Variants in KLHL14 observed in about 807,000 individuals in gnomAD.
KLHL14 encodes the protein kelch like family member 14.
A neutral mutation model predicts 64.3 loss-of-function variants in KLHL14; 22 were observed. The ratio of observed to expected loss-of-function variants is 0.34; its 90% confidence interval spans 0.24 to 0.49. The LOEUF is 0.49. KLHL14 is among the 20% of genes least tolerant of loss of function. KLHL14 has a pLI of 0.99. For synonymous variants in KLHL14, 322 were observed against 333.4 expected (o/e 0.97, Z 0.37); for missense variants, 661 against 789.0 (o/e 0.84, Z 1.94).
chr18:32,717,486 G>A (rs1245125963), intron 3 of KLHL14, among the ~76,000 whole-genome samples: 1 of 152,188 alleles, frequency 6.6e-6, no homozygotes, highest in African/African-American at 2.4e-5. Flanking sequence ...TGGTACTCAT[G>A]CATTTCTTCA....
At chr18:32,730,907 CTGT>C (rs2050134022) in intron 3 of KLHL14, among the ~76,000 whole-genome samples, 1 of 152,184 alleles carries the variant, frequency 6.6e-6, no homozygotes, top group Admixed American at 6.5e-5. Context: ...TTAGAACACG[CTGT>C]GAGAAGCGGT....
At chr18:32,677,066 A>G (rs2049814830) in intron 8 of KLHL14, 107 bp downstream of exon 8, 8 of 1,205,616 alleles carry the variant, frequency 6.6e-6, no homozygotes, top group Non-Finnish European at 8.2e-6. Context: ...GCATGTAAGT[A>G]TGATACTCTT....
At position 32,770,489 on chromosome 18, in the gene KLHL14, C is replaced by A. The variant is rs778789407; in HGVS notation, c.103G>T (p.Val35Leu). 1 of 1,612,324 alleles carries A rather than the reference C, an allele frequency of 6.2e-7. No individual in the cohort carries two copies. Among genetic ancestry groups the A allele is most frequent in the South Asian group, 1.1e-5 (1 of 91,034 alleles). The change falls in exon 2 of 9, where the codon GTG (valine) becomes TTG (leucine). Residue 35 changes from valine (V) to leucine (L), a missense_variant. Coordinates refer to ENST00000359358, the MANE Select transcript of KLHL14 (RefSeq NM_020805.3). The surrounding 1 kb of genome is among the most constrained non-coding windows in gnomAD (Gnocchi z 6.7). ...LLWRKQLFCD[V>L]TLTAQGQQFH... Reference sequence around the variant, plus strand: ...TGCTGGCCCTGGGCCGTCAGGGTCACGTCGCAAAACAGCTGCTTCCTCCAC... The same window carrying A: ...TGCTGGCCCTGGGCCGTCAGGGTCAAGTCGCAAAACAGCTGCTTCCTCCAC...
chr18:32,734,243 T>A, intron 3 of KLHL14: 1 of 702,838 alleles, frequency 1.4e-6, no homozygotes, highest in Non-Finnish European at 2.6e-6. Context: ...TGTGGTCCTG[T>A]GACTGAGAAG....
intron 3 of KLHL14, among the ~76,000 whole-genome samples, chr18:32,708,423 C>T (rs2050001683): frequency 6.6e-6 from 1 of 152,018 alleles, no homozygotes; most frequent in Non-Finnish European, 1.5e-5. Flanking sequence ...AGATTTGTGT[C>T]AAAAAAATCT....
chr18:32,687,017 C>T (rs922634952), intron 5 of KLHL14, 138 bp downstream of exon 5: 1 of 668,516 alleles, frequency 1.5e-6, no homozygotes, highest in Non-Finnish European at 2.7e-6. Flanking sequence ...TGTAAACTGG[C>T]TAGGCCAAGT....
At position 32,754,174 on chromosome 18, in the gene KLHL14, G is replaced by A. The variant is rs139207332; in HGVS notation, c.948-12125C>T. ...TTCAAGCTCTGTATAGCCTAGTGAC[G>A]AAAGGAGATAAAGCATCACTCTCAG... On this transcript the variant is annotated intron_variant, in intron 2 of 8. Coordinates refer to ENST00000359358, the MANE Select transcript of KLHL14 (RefSeq NM_020805.3). Among the ~76,000 whole-genome samples, 907 of 152,266 alleles carry A rather than the reference G, an allele frequency of 6.0e-3. 5 individuals carry two copies. Among genetic ancestry groups the A allele is most frequent in the African/African-American group, 0.02 (826 of 41,552 alleles).
At chr18:32,740,020 T>TAAG (rs2050188204) in intron 3 of KLHL14, among the ~76,000 whole-genome samples, 1 of 152,218 alleles carries the variant, frequency 6.6e-6, no homozygotes, top group African/African-American at 2.4e-5. Flanking sequence ...CTACAGTGAC[T>TAAG]TTCACAAAAT....
chr18:32,714,923 T>A (rs1886229483), intron 3 of KLHL14, among the ~76,000 whole-genome samples: 1 of 151,524 alleles, frequency 6.6e-6, no homozygotes, highest in South Asian at 2.1e-4. Context: ...TTACACTGAG[T>A]TGGAGAATGT....
intron 3 of KLHL14, among the ~76,000 whole-genome samples, chr18:32,725,983 G>T (rs6506983): frequency 6.6e-6 from 1 of 152,070 alleles, no homozygotes; most frequent in Non-Finnish European, 1.5e-5. Flanking sequence ...ACATGTAAGT[G>T]GCTCAGTCAG....
chr18:32,699,857 T>G (rs569618015), intron 3 of KLHL14, among the ~76,000 whole-genome samples: 3 of 152,120 alleles, frequency 2.0e-5, no homozygotes, highest in Non-Finnish European at 4.4e-5. Context: ...GCAGAGTACA[T>G]TTGTTTTATG....
intron 2 of KLHL14, among the ~76,000 whole-genome samples, chr18:32,764,495 C>T (rs1300575654): frequency 7.6e-6 from 1 of 130,942 alleles, no homozygotes; most frequent in East Asian, 2.0e-4. Flanking sequence ...TGTCCATTTT[C>T]TTCACTGATA....
chr18:32,750,054 GAGC>G (rs2050243583), intron 2 of KLHL14, among the ~76,000 whole-genome samples: 1 of 151,414 alleles, frequency 6.6e-6, no homozygotes, highest in African/African-American at 2.4e-5. Context: ...AGAGAGAGGA[GAGC>G]ACACGTGTGT....
intron 3 of KLHL14, among the ~76,000 whole-genome samples, chr18:32,719,291 G>A (rs2050063533): frequency 6.6e-6 from 1 of 152,210 alleles, no homozygotes; most frequent in African/African-American, 2.4e-5. Context: ...TGCCTGTTTT[G>A]TGCACCAATG....
intron 2 of KLHL14, chr18:32,744,037 C>G (rs1264518673): frequency 6.6e-6 from 1 of 152,182 alleles, no homozygotes; most frequent in Non-Finnish European, 1.5e-5. Flanking sequence ...CATCACTCGT[C>G]CACATGCCGC....
intron 5 of KLHL14, among the ~76,000 whole-genome samples, chr18:32,686,732 T>A (rs889970762): frequency 2.0e-5 from 3 of 152,180 alleles, no homozygotes; most frequent in Admixed American, 1.3e-4. Context: ...TGAATTTTAA[T>A]ATTGAATATT....
chr18:32,734,297 G>A (rs1362446867), intron 3 of KLHL14: 1 of 699,478 alleles, frequency 1.4e-6, no homozygotes, highest in East Asian at 2.7e-5. Context: ...AGACACTGCA[G>A]CTCTTTCTTC....
At chr18:32,745,862 A>G (rs901121354) in intron 2 of KLHL14, among the ~76,000 whole-genome samples, 1 of 152,244 alleles carries the variant, frequency 6.6e-6, no homozygotes, top group Non-Finnish European at 1.5e-5. Context: ...CACCACAAAC[A>G]AAGATACCTG....
rs771031774 is a variant in KLHL14 at position 32,770,175 on chromosome 18, G to C, written c.417C>G (p.Leu139=). 12 of 1,613,780 alleles carry C rather than the reference G, an allele frequency of 7.4e-6. No homozygotes were observed. The East Asian group carries it at 2.0e-4, about 27-fold the overall frequency. ...TCACGTTGGCCGTGTAGAGGTACTC[G>C]AGCACCAGGCGCAGCCCGATGGACG... ...GCSSIGLRLV[L]EYLYTANVTL... is the part of the protein sequence containing the mutation. Residue 139 remains leucine, a synonymous_variant, in exon 2 of 9, where the codon CTC becomes CTG. Transcript: ENST00000359358. The surrounding 1 kb of genome is among the most constrained non-coding windows in gnomAD (Gnocchi z 6.7).
Sources: allele counts gnomAD v4.1 joint callset (sites outside exome capture counted in the v4.1 genomes callset), GRCh38; gene constraint gnomAD v4.1.1; non-coding constraint Gnocchi (gnomAD v3.1); transcripts MANE v1.5; gene names NCBI Gene and HGNC (gene_info 2026-07-23, HGNC 2026-07-21).